Variants in DOK6 observed in about 807,000 individuals in gnomAD.
The protein encoded by DOK6 is docking protein 6.
DOK6 carries 22 observed loss-of-function variants against 44.0 expected under a neutral mutation model. The ratio of observed to expected loss-of-function variants is 0.50; its 90% confidence interval spans 0.36 to 0.71. The LOEUF (loss-of-function observed/expected upper bound fraction) is 0.71. Among genes scored for constraint, DOK6 ranks in the 30% least tolerant of loss-of-function variants. The probability of loss-of-function intolerance (pLI) is 0.00; values close to 1 mark genes in which losing one functional copy is unlikely to be tolerated. For missense variants in DOK6, 340 were observed against 416.4 expected (o/e 0.82, Z 1.60); for synonymous variants, 166 against 145.5 (o/e 1.14, Z -1.01).
intron 6 of DOK6, among the ~76,000 whole-genome samples, chr18:69,742,872 C>G (rs1978852618): frequency 1.3e-5 from 2 of 152,166 alleles, no homozygotes; most frequent in Admixed American, 6.5e-5. Flanking sequence ...AATAAATACA[C>G]CATTTGAGCT....
At chr18:69,737,006 C>T (rs1392783205) in intron 5 of DOK6, among the ~76,000 whole-genome samples, 1 of 152,198 alleles carries the variant, frequency 6.6e-6, no homozygotes, top group Non-Finnish European at 1.5e-5. Flanking sequence ...AAGTCAAATG[C>T]CATCTAAATT....
intron 1 of DOK6, among the ~76,000 whole-genome samples, chr18:69,403,202 G>A (rs1916135638): frequency 6.6e-6 from 1 of 152,144 alleles, no homozygotes; most frequent in South Asian, 2.1e-4. Context: ...ACTGAAGAAT[G>A]TAGCCTGAGC....
chr18:69,429,225 A>G (rs1978728374), intron 1 of DOK6, among the ~76,000 whole-genome samples: 1 of 152,142 alleles, frequency 6.6e-6, no homozygotes. Flanking sequence ...CCTTATGCAT[A>G]TAAGGAAATT....
intron 6 of DOK6, among the ~76,000 whole-genome samples, chr18:69,756,754 C>T (rs569577959): frequency 2.0e-5 from 3 of 152,136 alleles, no homozygotes; most frequent in South Asian, 2.1e-4. Context: ...GCAGGTGCAC[C>T]GTGGGAGGTA....
intron 3 of DOK6, among the ~76,000 whole-genome samples, chr18:69,626,251 T>A (rs987526571): frequency 1.3e-5 from 2 of 152,190 alleles, no homozygotes; most frequent in African/African-American, 4.8e-5. Flanking sequence ...TCCCATTTGA[T>A]CTCTAAATGA....
At chr18:69,559,065 T>C (rs8097947) in intron 1 of DOK6, among the ~76,000 whole-genome samples, 142,620 of 152,162 alleles carry the variant, frequency 0.94, 67,558 homozygotes, top group East Asian at 1. Context: ...CTTATCTCTG[T>C]GTGATTGCCT....
chr18:69,408,318 C>G (rs1978292737), intron 1 of DOK6, among the ~76,000 whole-genome samples: 1 of 152,064 alleles, frequency 6.6e-6, no homozygotes, highest in Admixed American at 6.6e-5. Context: ...AAAAATGCTA[C>G]TTAGTGAAAT....
chr18:69,543,500 T>C (rs1164102371), intron 1 of DOK6, among the ~76,000 whole-genome samples: 1 of 151,564 alleles, frequency 6.6e-6, no homozygotes, highest in African/African-American at 2.4e-5. Flanking sequence ...ATTCTTTTTT[T>C]CCCCCAAGTC....
chr18:69,670,804 G>A (rs1475823524), intron 3 of DOK6, among the ~76,000 whole-genome samples: 2 of 152,004 alleles, frequency 1.3e-5, no homozygotes, highest in East Asian at 1.9e-4. Context: ...CACCGTGCCT[G>A]GCCTGTGCAT....
At chr18:69,792,521 C>T (rs1980631099) in intron 7 of DOK6, among the ~76,000 whole-genome samples, 1 of 151,942 alleles carries the variant, frequency 6.6e-6, no homozygotes. Flanking sequence ...TACTGCTTTT[C>T]ATATGTTGAT....
chr18:69,735,095 T>G (rs1049752558), intron 5 of DOK6, among the ~76,000 whole-genome samples: 4 of 152,160 alleles, frequency 2.6e-5, no homozygotes, highest in Admixed American at 2.0e-4. Context: ...AATATATACA[T>G]CCACATGATC....
chr18:69,657,397 G>GCTACCC (rs1568324358), intron 3 of DOK6, among the ~76,000 whole-genome samples: 1 of 152,208 alleles, frequency 6.6e-6, no homozygotes, highest in African/African-American at 2.4e-5. Context: ...TGGGATGGAA[G>GCTACCC]CTACCCCTTC....
intron 1 of DOK6, among the ~76,000 whole-genome samples, chr18:69,494,558 G>A (rs1428573755): frequency 2.6e-5 from 4 of 152,076 alleles, no homozygotes; most frequent in African/African-American, 7.2e-5. Flanking sequence ...TAGGCACAAG[G>A]GAGAATAGGG....
chr18:69,795,326 C>T (rs1327854163), intron 7 of DOK6, among the ~76,000 whole-genome samples: 1 of 152,066 alleles, frequency 6.6e-6, no homozygotes, highest in East Asian at 1.9e-4. Context: ...CTTTAAAATG[C>T]TTAGCCCTTC....
At chr18:69,482,344 T>TCGTATGCCTGCATAGAG (rs1980450215) in intron 1 of DOK6, among the ~76,000 whole-genome samples, 2 of 152,152 alleles carry the variant, frequency 1.3e-5, no homozygotes, top group African/African-American at 4.8e-5. Context: ...ATGGGGATTT[T>TCGTATGCCTGCATAGAG]AAACTGGGCT....
chr18:69,479,335 A>G (rs953910997), intron 1 of DOK6, among the ~76,000 whole-genome samples: 1 of 152,160 alleles, frequency 6.6e-6, no homozygotes, highest in Non-Finnish European at 1.5e-5. Flanking sequence ...GAGTTGGTAT[A>G]CAAGCTAGCA....
chr18:69,546,528 G>C (rs573734691), intron 1 of DOK6, among the ~76,000 whole-genome samples: 2 of 151,464 alleles, frequency 1.3e-5, no homozygotes, highest in African/African-American at 2.4e-5. Context: ...CTTACAGTTT[G>C]TGGGGTACTA....
chr18:69,642,184 A>G (rs577207043), intron 3 of DOK6, among the ~76,000 whole-genome samples: 1 of 152,248 alleles, frequency 6.6e-6, no homozygotes, highest in African/African-American at 2.4e-5. Flanking sequence ...TACCTACCCT[A>G]TATATTTCAG....
At chr18:69,834,697 A>G (rs1469721448) in intron 7 of DOK6, among the ~76,000 whole-genome samples, 1 of 152,206 alleles carries the variant, frequency 6.6e-6, no homozygotes, top group Non-Finnish European at 1.5e-5. Flanking sequence ...ACATTTAAAT[A>G]GTAAGTTTAT....
Sources: allele counts gnomAD v4.1 joint callset (sites outside exome capture counted in the v4.1 genomes callset), GRCh38; gene constraint gnomAD v4.1.1; transcripts MANE v1.5; gene names NCBI Gene and HGNC (gene_info 2026-07-23, HGNC 2026-07-21).